The following KLHL32 variants were observed in gnomAD, a reference collection of about 807,000 sequenced individuals.
KLHL32 encodes the protein kelch-like protein 32.
A neutral mutation model predicts 64.8 loss-of-function variants in KLHL32; 35 were observed. The observed-to-expected ratio is 0.54, with a 90% CI of 0.41 to 0.72. The LOEUF (loss-of-function observed/expected upper bound fraction) is 0.72, where lower values mean the gene tolerates loss of function less well. Among genes scored for constraint, KLHL32 ranks in the 30% least tolerant of loss-of-function variants. KLHL32 has a pLI of 0.00. For missense variants in KLHL32, 589 were observed against 768.5 expected (o/e 0.77, Z 2.76); for synonymous variants, 259 against 281.0 (o/e 0.92, Z 0.78).
intron 4 of KLHL32, among the ~76,000 whole-genome samples, chr6:97,050,070 C>A (rs1562280339): frequency 6.6e-6 from 1 of 152,156 alleles, no homozygotes; most frequent in Non-Finnish European, 1.5e-5. Context: ...GTTTGTGCTG[C>A]AAGAATCATA....
chr6:96,992,543 G>A (rs1778004941), intron 3 of KLHL32, among the ~76,000 whole-genome samples: 1 of 152,242 alleles, frequency 6.6e-6, no homozygotes. Flanking sequence ...TTCATTTTGG[G>A]AAATGATTTG....
intron 7 of KLHL32, among the ~76,000 whole-genome samples, chr6:97,122,695 A>C (rs1456911164): frequency 6.6e-6 from 1 of 152,188 alleles, no homozygotes; most frequent in Non-Finnish European, 1.5e-5. Context: ...GATTGTAGCA[A>C]ACTTCCCTCT....
At chr6:97,046,769 G>A (rs1162362947) in intron 4 of KLHL32, among the ~76,000 whole-genome samples, 1 of 152,132 alleles carries the variant, frequency 6.6e-6, no homozygotes, top group Admixed American at 6.5e-5. Flanking sequence ...TAAGCAAAAA[G>A]GTTGGAGCAT....
chr6:96,991,377 A>T (rs1777854460), intron 3 of KLHL32, among the ~76,000 whole-genome samples: 1 of 151,866 alleles, frequency 6.6e-6, no homozygotes, highest in African/African-American at 2.4e-5. Flanking sequence ...TTCTCTCCGT[A>T]TGGTGGCTGG....
Position 97,066,531 on chromosome 6 carries a change from AGTG to A in KLHL32, c.411+1808_411+1810del, listed in dbSNP as rs760534773. ...CCGTTATTATTCAGGCTTCTTGAAT[AGTG>A]GTTGAAATTTTCACTGACTTTTCAC... On this transcript the variant is annotated intron_variant, in intron 5 of 10. Transcript: ENST00000369261. Among the ~76,000 whole-genome samples, 21 of 152,330 alleles carry A rather than the reference AGTG, an allele frequency of 1.4e-4. No individual in the cohort carries two copies. The Middle Eastern group carries it at 0.01, about 74-fold the overall frequency.
At chr6:96,907,576 A>G in the KLHL32 span, among the ~76,000 whole-genome samples, 4 of 152,274 alleles carry the variant, frequency 2.6e-5, no homozygotes, top group Non-Finnish European at 4.4e-5. Flanking sequence ...TCTTGAAACT[A>G]TGTTTCACTC....
intron 3 of KLHL32, among the ~76,000 whole-genome samples, chr6:97,011,110 G>A (rs1453662001): frequency 6.6e-6 from 1 of 152,208 alleles, no homozygotes; most frequent in Non-Finnish European, 1.5e-5. Context: ...GTTTGGACAT[G>A]AGGGAATTAT....
chr6:96,983,655 T>C (rs1776630130), intron 3 of KLHL32, among the ~76,000 whole-genome samples: 1 of 152,274 alleles, frequency 6.6e-6, no homozygotes, highest in African/African-American at 2.4e-5. Flanking sequence ...CTAGATTTTC[T>C]AGTTTATTTG....
the KLHL32 span, among the ~76,000 whole-genome samples, chr6:96,908,333 C>T: frequency 2.0e-5 from 3 of 152,208 alleles, no homozygotes; most frequent in East Asian, 5.8e-4. Context: ...AACCTTGCCA[C>T]ACACAGAGGT....
intron 3 of KLHL32, among the ~76,000 whole-genome samples, chr6:97,038,350 A>G (rs1784600032): frequency 6.6e-6 from 1 of 152,006 alleles, no homozygotes; most frequent in Non-Finnish European, 1.5e-5. Context: ...CAATTTAAAA[A>G]TGGGCAAAAA....
intron 4 of KLHL32, among the ~76,000 whole-genome samples, chr6:97,047,924 C>T (rs2128133360): frequency 6.6e-6 from 1 of 152,228 alleles, no homozygotes; most frequent in East Asian, 1.9e-4. Flanking sequence ...TACCTTAGGA[C>T]CGAAATGGAA....
intron 1 of KLHL32, among the ~76,000 whole-genome samples, chr6:96,928,272 A>G (rs560499796): frequency 6.6e-6 from 1 of 152,238 alleles, no homozygotes; most frequent in East Asian, 1.9e-4. Flanking sequence ...GAAAATCCTT[A>G]TAGCTATTGA....
intron 3 of KLHL32, among the ~76,000 whole-genome samples, chr6:97,035,649 G>A (rs150187901): frequency 2.7e-4 from 41 of 151,388 alleles, no homozygotes; most frequent in East Asian, 1.9e-4. Context: ...TGAATGTGTC[G>A]TCCCACTCTC....
intron 6 of KLHL32, among the ~76,000 whole-genome samples, chr6:97,098,383 C>G (rs961988302): frequency 1.4e-4 from 21 of 151,746 alleles, no homozygotes; most frequent in African/African-American, 5.1e-4. Flanking sequence ...TTTTTTCCTC[C>G]AATGAACATT....
chr6:96,905,176 A>C, the KLHL32 span, among the ~76,000 whole-genome samples: 2 of 152,218 alleles, frequency 1.3e-5, no homozygotes, highest in East Asian at 3.8e-4. Flanking sequence ...ATAATTTGGC[A>C]CAGGGAAAAA....
At chr6:97,080,362 T>C (rs917324987) in intron 5 of KLHL32, among the ~76,000 whole-genome samples, 5 of 152,326 alleles carry the variant, frequency 3.3e-5, no homozygotes, top group Admixed American at 2.0e-4. Context: ...ATTCTGTTTT[T>C]GCCTAATTAT....
intron 1 of KLHL32, among the ~76,000 whole-genome samples, chr6:96,940,740 C>T (rs866062352): frequency 3.3e-5 from 5 of 152,220 alleles, no homozygotes; most frequent in African/African-American, 9.6e-5. Flanking sequence ...TAGTAAGATT[C>T]GTACTTACTC....
chr6:97,041,646 C>G, intron 4 of KLHL32, 47 bp downstream of exon 4: 1 of 1,103,148 alleles, frequency 9.1e-7, no homozygotes, highest in Non-Finnish European at 1.4e-6. Context: ...TCAACTACAT[C>G]TAACCAAAGG....
At chr6:96,899,264 A>G in the KLHL32 span, among the ~76,000 whole-genome samples, 10 of 152,200 alleles carry the variant, frequency 6.6e-5, no homozygotes, top group African/African-American at 2.4e-4. Context: ...GGCTGCTCCA[A>G]GATTTCTATC....
Sources: allele counts gnomAD v4.1 joint callset (sites outside exome capture counted in the v4.1 genomes callset), GRCh38; gene constraint gnomAD v4.1.1; transcripts MANE v1.5; gene names NCBI Gene and HGNC (gene_info 2026-07-23, HGNC 2026-07-21).